The following SNX10 variants were observed in gnomAD, a reference collection of about 807,000 sequenced individuals.
SNX10 encodes sorting nexin 10.
In SNX10, 25 loss-of-function variants were observed where a neutral mutation model predicts 28.5. That is an observed-to-expected ratio of 0.88 (90% CI 0.64 to 1.22). The LOEUF is 1.22. Ranked by LOEUF, SNX10 falls within the 50% of genes most tolerant of loss-of-function variation. The pLI, the probability that SNX10 is intolerant of heterozygous loss-of-function variation, is 0.00. For synonymous variants in SNX10, 62 were observed against 81.4 expected (o/e 0.76, Z 1.28); for missense variants, 223 against 242.6 (o/e 0.92, Z 0.54).
At position 26,364,047 on chromosome 7, in the gene SNX10, T is replaced by TG. The variant is rs1433328234; in HGVS notation, c.112-486dup. ...AGGGAATGCTGTTCTCTAGGATTTC[T>TG]GGTGATTTGTATGATCTGCAGGGTG... On this transcript the variant is annotated intron_variant, in intron 3 of 6. Transcript: ENST00000338523. The surrounding 1 kb of genome is among the most constrained non-coding windows in gnomAD (Gnocchi z 4.9). Among the ~76,000 whole-genome samples the TG allele has an allele frequency of 6.6e-6, 1 of 152,148 alleles. No homozygotes were observed. The highest frequency in any genetic ancestry group is 2.4e-5 in the African/African-American group (1 of 41,424).
intron 1 of SNX10, among the ~76,000 whole-genome samples, chr7:26,336,219 T>A (rs1323082404): frequency 6.6e-6 from 1 of 152,158 alleles, no homozygotes; most frequent in African/African-American, 2.4e-5. Context: ...AAAAAACATG[T>A]TTTGTTCTTA....
intron 1 of SNX10, among the ~76,000 whole-genome samples, chr7:26,305,320 G>T (rs1786541258): frequency 6.6e-6 from 1 of 152,182 alleles, no homozygotes; most frequent in African/African-American, 2.4e-5. Flanking sequence ...AGAACAACGG[G>T]CTTTATATGT....
chr7:26,357,956 C>T (rs2128019446), intron 2 of SNX10, among the ~76,000 whole-genome samples: 1 of 152,028 alleles, frequency 6.6e-6, no homozygotes, highest in Admixed American at 6.6e-5. Context: ...TCCATCAGCT[C>T]ATGGGAGGGG....
intron 1 of SNX10, among the ~76,000 whole-genome samples, chr7:26,323,477 T>C (rs541537164): frequency 6.6e-6 from 1 of 151,972 alleles, no homozygotes; most frequent in African/African-American, 2.4e-5. Context: ...TTTTGCTCTT[T>C]ATATAAAAAG....
intron 1 of SNX10, among the ~76,000 whole-genome samples, chr7:26,304,100 A>C (rs1786481329): frequency 6.6e-6 from 1 of 152,194 alleles, no homozygotes; most frequent in Non-Finnish European, 1.5e-5. Context: ...AGATGTGGGA[A>C]CGTGGTGGTG....
intron 1 of SNX10, among the ~76,000 whole-genome samples, chr7:26,292,358 G>GGA (rs1237817796): frequency 6.6e-6 from 1 of 152,204 alleles, no homozygotes; most frequent in African/African-American, 2.4e-5. Flanking sequence ...GACACCCCGG[G>GGA]GAGAGGGTGG....
chr7:26,332,161 G>C (rs542088357), intron 1 of SNX10, among the ~76,000 whole-genome samples: 1 of 152,214 alleles, frequency 6.6e-6, no homozygotes, highest in Non-Finnish European at 1.5e-5. Flanking sequence ...GAAACTGCCA[G>C]ACTTTTCGCA....
intron 2 of SNX10, among the ~76,000 whole-genome samples, chr7:26,351,656 T>C (rs976951355): frequency 3.6e-5 from 3 of 82,740 alleles, no homozygotes; most frequent in South Asian, 6.2e-4. Context: ...GTTTTTTTTT[T>C]TTGTTTTTTT....
chr7:26,367,100 A>G (rs1789321448), intron 5 of SNX10, among the ~76,000 whole-genome samples: 1 of 152,104 alleles, frequency 6.6e-6, no homozygotes, highest in Admixed American at 6.5e-5. Context: ...TTTGCTATAG[A>G]GTGGGATAAT....
At chr7:26,342,686 A>G (rs928268133) in intron 1 of SNX10, among the ~76,000 whole-genome samples, 1 of 152,198 alleles carries the variant, frequency 6.6e-6, no homozygotes, top group African/African-American at 2.4e-5. Flanking sequence ...AAATGACATG[A>G]TCACCATTTT....
intron 1 of SNX10, among the ~76,000 whole-genome samples, chr7:26,310,722 C>G (rs2127997221): frequency 6.6e-6 from 1 of 151,592 alleles, no homozygotes; most frequent in Non-Finnish European, 1.5e-5. Flanking sequence ...CGCTCTGTCT[C>G]CCAGGCTGGA....
chr7:26,305,472 T>C (rs1199904395), intron 1 of SNX10, among the ~76,000 whole-genome samples: 1 of 152,200 alleles, frequency 6.6e-6, no homozygotes, highest in Non-Finnish European at 1.5e-5. Context: ...GGAGAAGATG[T>C]GCTCTTCCTG....
chr7:26,293,277 T>A (rs1403985561), intron 1 of SNX10: 1 of 152,258 alleles, frequency 6.6e-6, no homozygotes, highest in South Asian at 2.1e-4. Flanking sequence ...CTTGGCTCAC[T>A]GCAAACTCCA....
chr7:26,332,124 A>G (rs1236179066), intron 1 of SNX10, among the ~76,000 whole-genome samples: 2 of 152,356 alleles, frequency 1.3e-5, no homozygotes, highest in East Asian at 3.9e-4. Context: ...GCCAAGTCAA[A>G]TGGTGACTGT....
chr7:26,368,204 T>C (rs1206650651), intron 5 of SNX10, among the ~76,000 whole-genome samples: 1 of 152,190 alleles, frequency 6.6e-6, no homozygotes, highest in Admixed American at 6.5e-5. Context: ...CTCAGTTTTA[T>C]AGATAAAGAA....
In SNX10 at chr7:26,371,871, T is replaced by A. The variant is rs1242943247; in HGVS notation, c.362T>A (p.Leu121Ter). Residue 121 changes from leucine (L) to a stop codon, truncating the protein, a stop_gained, in exon 6 of 7, where the codon TTA becomes TAA. Coordinates refer to ENST00000338523, the MANE Select transcript of SNX10 (RefSeq NM_013322.3). LOFTEE classifies it high-confidence loss of function. ...TCAGATAGCAGCCTTCACCTCTTCT[T>A]ACAGAGCCATCTGAATTCAGAAGAC... The part of the protein sequence containing the change: ...LLSDSSLHLF[L>*]QSHLNSEDIE... 1 of 1,613,746 alleles carries A rather than the reference T, an allele frequency of 6.2e-7. No homozygotes were observed. The highest frequency in any genetic ancestry group is 8.5e-7 in the Non-Finnish European group (1 of 1,179,708).
At chr7:26,303,038 G>T (rs1013334368) in intron 1 of SNX10, among the ~76,000 whole-genome samples, 1 of 152,208 alleles carries the variant, frequency 6.6e-6, no homozygotes, top group Non-Finnish European at 1.5e-5. Context: ...AGGGAGATCA[G>T]AGGTAACACA....
chr7:26,318,977 T>C (rs1787204870), intron 1 of SNX10, among the ~76,000 whole-genome samples: 1 of 152,214 alleles, frequency 6.6e-6, no homozygotes, highest in East Asian at 1.9e-4. Flanking sequence ...GTGGCATAGT[T>C]GGGGATTTGA....
At chr7:26,362,500 C>T (rs545134107) in intron 3 of SNX10, among the ~76,000 whole-genome samples, 3 of 152,304 alleles carry the variant, frequency 2.0e-5, no homozygotes, top group Non-Finnish European at 4.4e-5. Flanking sequence ...GGTGTCCTGG[C>T]ACTTTTCTGA....
Sources: allele counts gnomAD v4.1 joint callset (sites outside exome capture counted in the v4.1 genomes callset), GRCh38; gene constraint gnomAD v4.1.1; non-coding constraint Gnocchi (gnomAD v3.1); transcripts MANE v1.5; gene names NCBI Gene and HGNC (gene_info 2026-07-23, HGNC 2026-07-21).